Variants in SLC16A12 observed in about 807,000 individuals in gnomAD.
SLC16A12 encodes monocarboxylate transporter 12.
Under a neutral mutation model 42.4 loss-of-function variants are expected in SLC16A12, and 17 were observed. That is an observed-to-expected ratio of 0.40 (90% CI 0.27 to 0.60). The LOEUF is 0.60. SLC16A12 is among the 20% of genes least tolerant of loss of function. SLC16A12 has a pLI of 0.42. For missense variants in SLC16A12, 544 were observed against 623.0 expected (o/e 0.87, Z 1.35); for synonymous variants, 224 against 229.4 (o/e 0.98, Z 0.21).
intron 6 of SLC16A12, among the ~76,000 whole-genome samples, chr10:89,438,046 C>A (rs1841831569): frequency 6.6e-6 from 1 of 152,018 alleles, no homozygotes; most frequent in South Asian, 2.1e-4. Context: ...AAACTAACAC[C>A]ACCACACCCA....
chr10:89,533,168 G>GTT (rs578088067), intron 2 of SLC16A12, among the ~76,000 whole-genome samples: 13,385 of 145,544 alleles, frequency 0.092, 638 homozygotes, highest in Non-Finnish European at 0.11. Context: ...GTCGTTTTTA[G>GTT]TTTTTTTTTT....
intron 3 of SLC16A12, among the ~76,000 whole-genome samples, chr10:89,452,186 C>T (rs940644532): frequency 3.5e-4 from 53 of 152,182 alleles, no homozygotes; most frequent in African/African-American, 1.2e-3. Context: ...TCCTTCCTGA[C>T]TCATCAATAA....
chr10:89,439,474 T>G (rs1841866323), intron 5 of SLC16A12, among the ~76,000 whole-genome samples: 1 of 152,236 alleles, frequency 6.6e-6, no homozygotes, highest in South Asian at 2.1e-4. Context: ...TGGAATTCAC[T>G]AGAAAATCTG....
intron 2 of SLC16A12, among the ~76,000 whole-genome samples, chr10:89,465,676 A>G (rs917646370): frequency 1.3e-5 from 2 of 152,150 alleles, no homozygotes; most frequent in African/African-American, 2.4e-5. Context: ...CCTGCTGGAG[A>G]AGACAGAGCT....
chr10:89,435,183 C>A (rs1452626522), intron 7 of SLC16A12, among the ~76,000 whole-genome samples: 1 of 152,210 alleles, frequency 6.6e-6, no homozygotes, highest in Non-Finnish European at 1.5e-5. Context: ...AGGCCATCCA[C>A]TAAAGCTCAT....
intron 7 of SLC16A12, 36 bp downstream of exon 7, chr10:89,436,024 A>G (rs1272115934): frequency 6.2e-7 from 1 of 1,612,730 alleles, no homozygotes; most frequent in Non-Finnish European, 8.5e-7. Context: ...TATGCCAAAG[A>G]GAAAAGGTGG....
intron 7 of SLC16A12, among the ~76,000 whole-genome samples, chr10:89,435,535 G>A (rs1234891976): frequency 6.6e-6 from 1 of 152,094 alleles, no homozygotes; most frequent in Non-Finnish European, 1.5e-5. Flanking sequence ...TAGATCAATT[G>A]CTAGATCACA....
At chr10:89,443,425 C>T (rs1841947326) in intron 4 of SLC16A12, among the ~76,000 whole-genome samples, 1 of 152,184 alleles carries the variant, frequency 6.6e-6, no homozygotes, top group Non-Finnish European at 1.5e-5. Context: ...AGAAGCCAAG[C>T]ATATACTATA....
At chr10:89,551,623 A>G (rs1202494885) in intron 2 of SLC16A12, among the ~76,000 whole-genome samples, 1 of 152,210 alleles carries the variant, frequency 6.6e-6, no homozygotes, top group Non-Finnish European at 1.5e-5. Flanking sequence ...ACCCAGTGGA[A>G]GATCATTTGA....
chr10:89,496,361 G>GA (rs1202208711), intron 2 of SLC16A12, among the ~76,000 whole-genome samples: 2 of 151,998 alleles, frequency 1.3e-5, no homozygotes, highest in African/African-American at 4.8e-5. Context: ...TGTGGAAATT[G>GA]AAAATTTAAT....
intron 4 of SLC16A12, among the ~76,000 whole-genome samples, chr10:89,442,760 C>A (rs575061457): frequency 1.3e-5 from 2 of 152,268 alleles, no homozygotes; most frequent in East Asian, 3.9e-4. Context: ...TTATACATTT[C>A]AGTACAATTT....
Position 89,508,359 on chromosome 10 carries a change from GA to G in SLC16A12, c.-47+26141del, listed in dbSNP as rs1395031640. Among the ~76,000 whole-genome samples the G allele has an allele frequency of 2.9e-4, 44 of 152,280 alleles. 1 individual carries two copies. The highest frequency in any genetic ancestry group is 9.4e-4 in the African/African-American group (39 of 41,546). ...ACTCTTCAGCAAATGTAAAAGAACA[GA>G]AATCACAATAAACTGTTTCTCAGAC... On this transcript the variant is annotated intron_variant, in intron 2 of 7. Coordinates refer to ENST00000371790, the MANE Select transcript of SLC16A12 (RefSeq NM_213606.4).
At chr10:89,509,858 A>G (rs1235981995) in intron 2 of SLC16A12, among the ~76,000 whole-genome samples, 2 of 152,220 alleles carry the variant, frequency 1.3e-5, no homozygotes, top group Non-Finnish European at 2.9e-5. Flanking sequence ...TCTCAGCCCC[A>G]AATCTCCTTA....
intron 2 of SLC16A12, among the ~76,000 whole-genome samples, chr10:89,510,471 A>G (rs1843146116): frequency 6.6e-6 from 1 of 152,244 alleles, no homozygotes; most frequent in African/African-American, 2.4e-5. Flanking sequence ...CCTGACAAAA[A>G]CAAGCAAGGG....
chr10:89,449,085 C>A (rs1842048953), intron 3 of SLC16A12, among the ~76,000 whole-genome samples: 1 of 152,102 alleles, frequency 6.6e-6, no homozygotes, highest in Non-Finnish European at 1.5e-5. Flanking sequence ...AAACTACAAA[C>A]CACTGCTCAA....
intron 2 of SLC16A12, among the ~76,000 whole-genome samples, chr10:89,555,134 G>A (rs879939928): frequency 3.9e-5 from 6 of 151,946 alleles, no homozygotes; most frequent in African/African-American, 1.5e-4. Context: ...AGGGCCCATC[G>A]TGATTAACAA....
upstream of SLC16A12, among the ~76,000 whole-genome samples, chr10:89,539,861 C>CTTTCTTTCTTTCTTTCTTTCTT (rs1554833989): frequency 1.4e-3 from 166 of 117,818 alleles, no homozygotes; most frequent in African/African-American, 5.7e-3. Context: ...ACAAATTTTT[C>CTTTCTTTCTTTCTTTCTTTCTT]TTTCTTTCTT....
intron 2 of SLC16A12, among the ~76,000 whole-genome samples, chr10:89,479,937 G>C (rs1842638751): frequency 6.6e-6 from 1 of 152,104 alleles, no homozygotes; most frequent in African/African-American, 2.4e-5. Context: ...TTTACATAGA[G>C]GCATTTACAT....
chr10:89,442,164 C>T (rs1179921881), intron 4 of SLC16A12, among the ~76,000 whole-genome samples: 4 of 152,286 alleles, frequency 2.6e-5, no homozygotes, highest in Non-Finnish European at 5.9e-5. Flanking sequence ...ATTGATCAGA[C>T]TGAAATTGGG....
Sources: allele counts gnomAD v4.1 joint callset (sites outside exome capture counted in the v4.1 genomes callset), GRCh38; gene constraint gnomAD v4.1.1; transcripts MANE v1.5; gene names NCBI Gene and HGNC (gene_info 2026-07-23, HGNC 2026-07-21).